The following B4GALT5 variants were observed in gnomAD, a reference collection of about 807,000 sequenced individuals.
The protein encoded by B4GALT5 is UDP-Gal:beta-GlcNAc beta-1,4-galactosyltransferase 5.
A neutral mutation model predicts 45.0 loss-of-function variants in B4GALT5; 11 were observed. That is an observed-to-expected ratio of 0.24 (90% CI 0.15 to 0.40). The LOEUF (loss-of-function observed/expected upper bound fraction) is 0.40, where lower values mean the gene tolerates loss of function less well. Ranked by LOEUF, B4GALT5 falls within the 10% of genes least tolerant of loss-of-function variation. B4GALT5 has a pLI of 1.00. For missense variants in B4GALT5, 337 were observed against 500.2 expected (o/e 0.67, Z 3.11); for synonymous variants, 185 against 182.9 (o/e 1.01, Z -0.09).
intron 1 of B4GALT5, among the ~76,000 whole-genome samples, chr20:49,700,429 G>A (rs1568734585): frequency 1.3e-5 from 2 of 152,130 alleles, no homozygotes; most frequent in Non-Finnish European, 2.9e-5. Flanking sequence ...CCAAGTAGCT[G>A]GGGCTACAGG....
intron 1 of B4GALT5, among the ~76,000 whole-genome samples, chr20:49,678,425 C>T (rs1421258027): frequency 6.6e-6 from 1 of 152,200 alleles, no homozygotes; most frequent in Non-Finnish European, 1.5e-5. Context: ...TCTGAGTTCA[C>T]TCTCACTGTT....
At chr20:49,647,144 G>T in intron 2 of B4GALT5, 66 bp from the exon 3 acceptor site, 1 of 926,644 alleles carries the variant, frequency 1.1e-6, no homozygotes, top group Non-Finnish European at 1.7e-6. Context: ...ATTATCAGAT[G>T]CCTACCAAGT....
intron 1 of B4GALT5, among the ~76,000 whole-genome samples, chr20:49,700,459 C>T (rs2085857093): frequency 6.6e-6 from 1 of 152,148 alleles, no homozygotes; most frequent in Non-Finnish European, 1.5e-5. Flanking sequence ...CCACACCTGG[C>T]TAATTTTTAT....
chr20:49,668,792 G>A (rs540464398), intron 1 of B4GALT5, among the ~76,000 whole-genome samples: 2 of 151,852 alleles, frequency 1.3e-5, no homozygotes, highest in African/African-American at 4.8e-5. Flanking sequence ...TCCCTGAATT[G>A]CCTTGTGGTT....
chr20:49,642,461 T>G lies in B4GALT5; in HGVS notation c.606+7A>C. On this transcript the variant is annotated splice_region_variant and intron_variant, in intron 5 of 8. Coordinates refer to ENST00000371711, the MANE Select transcript of B4GALT5 (RefSeq NM_004776.4). ...GAAAAAAGAAAGGAAAAGAAAGGAC[T>G]ACTCACTTGTTCAACCACATAAAAT... 6.3e-7 allele frequency: 1 copy of G among 1,590,160 alleles called. No individual in the cohort carries two copies. Among genetic ancestry groups the G allele is most frequent in the Non-Finnish European group, 8.6e-7 (1 of 1,159,872 alleles).
At position 49,702,882 on chromosome 20, in the gene B4GALT5, A is replaced by T. The variant is rs2085868231; in HGVS notation, c.115+10694T>A. Reference sequence around the variant, plus strand: ...AAAACAAAAAAAAACCCTAAAAAATAGTGATTACTGGCCAGGCGCGGTGGC... The same window carrying T: ...AAAACAAAAAAAAACCCTAAAAAATTGTGATTACTGGCCAGGCGCGGTGGC... On this transcript the variant is annotated intron_variant, in intron 1 of 8. Transcript: ENST00000371711. Among the ~76,000 whole-genome samples the T allele has an allele frequency of 3.3e-5, 5 of 151,768 alleles. No individual in the cohort carries two copies. In the South Asian group the frequency reaches 1.0e-3, roughly 32 times the overall value.
chr20:49,689,789 A>G (rs1194272962), intron 1 of B4GALT5, among the ~76,000 whole-genome samples: 3 of 152,162 alleles, frequency 2.0e-5, no homozygotes, highest in Non-Finnish European at 2.9e-5. Context: ...CTAAATCCCT[A>G]TCAAGATATG....
chr20:49,673,657 A>G (rs1157389992), intron 1 of B4GALT5, among the ~76,000 whole-genome samples: 1 of 152,202 alleles, frequency 6.6e-6, no homozygotes, highest in Non-Finnish European at 1.5e-5. Flanking sequence ...TCTGGCTAAG[A>G]TCAAGTATTG....
intron 1 of B4GALT5, among the ~76,000 whole-genome samples, chr20:49,667,788 T>C (rs141888084): frequency 2.0e-5 from 3 of 152,336 alleles, no homozygotes; most frequent in African/African-American, 7.2e-5. Context: ...TGGGTGCCAA[T>C]ACTCACGCTA....
intron 1 of B4GALT5, among the ~76,000 whole-genome samples, chr20:49,709,165 C>T (rs550547500): frequency 5.3e-5 from 8 of 152,010 alleles, no homozygotes; most frequent in South Asian, 2.1e-4. Flanking sequence ...GACTGGAGTA[C>T]GGAAGTACTC....
At chr20:49,648,878 G>A (rs2085609857) in intron 2 of B4GALT5, among the ~76,000 whole-genome samples, 1 of 152,196 alleles carries the variant, frequency 6.6e-6, no homozygotes, top group Non-Finnish European at 1.5e-5. Context: ...CTCTGAATGA[G>A]AGATCCTTCC....
In B4GALT5 at chr20:49,691,538, C is replaced by T. The variant is rs954070957; in HGVS notation, c.115+22038G>A. Among the ~76,000 whole-genome samples, 9 of 151,940 alleles carry T rather than the reference C, an allele frequency of 5.9e-5. No individual in the cohort carries two copies. In the East Asian group the frequency reaches 1.3e-3, roughly 23 times the overall value. On this transcript the variant is annotated intron_variant, in intron 1 of 8. Coordinates refer to ENST00000371711, the MANE Select transcript of B4GALT5 (RefSeq NM_004776.4). ...CAAAACAAACAAAAAAAAACCCACACGCCAAAACATGTTCTTCTGCAGTAT... is the reference window on the plus strand; with the variant it reads ...CAAAACAAACAAAAAAAAACCCACATGCCAAAACATGTTCTTCTGCAGTAT...
At chr20:49,676,967 T>C (rs2085740346) in intron 1 of B4GALT5, among the ~76,000 whole-genome samples, 1 of 152,238 alleles carries the variant, frequency 6.6e-6, no homozygotes, top group Non-Finnish European at 1.5e-5. Flanking sequence ...ATTGGAACAT[T>C]ACAATACCTA....
At chr20:49,683,785 G>A (rs1397111184) in intron 1 of B4GALT5, among the ~76,000 whole-genome samples, 1 of 151,996 alleles carries the variant, frequency 6.6e-6, no homozygotes, top group Admixed American at 6.6e-5. Context: ...TCCATAAAAC[G>A]GGGATAATAA....
chr20:49,664,751 T>A (rs1379042843), intron 1 of B4GALT5, among the ~76,000 whole-genome samples: 1 of 152,130 alleles, frequency 6.6e-6, no homozygotes, highest in African/African-American at 2.4e-5. Flanking sequence ...AGGAGATGTA[T>A]ATTGAAGTAT....
At chr20:49,688,776 T>C (rs575205256) in intron 1 of B4GALT5, among the ~76,000 whole-genome samples, 1 of 152,068 alleles carries the variant, frequency 6.6e-6, no homozygotes, top group South Asian at 2.1e-4. Context: ...CCATCTCTAC[T>C]AAAATTACAA....
chr20:49,706,735 C>A (rs896114201), intron 1 of B4GALT5, among the ~76,000 whole-genome samples: 2 of 152,176 alleles, frequency 1.3e-5, no homozygotes, highest in African/African-American at 2.4e-5. Flanking sequence ...TGCTTGCTTA[C>A]GATTATCTGT....
intron 1 of B4GALT5, among the ~76,000 whole-genome samples, chr20:49,704,913 C>A (rs1330436441): frequency 6.6e-6 from 1 of 151,890 alleles, no homozygotes; most frequent in Non-Finnish European, 1.5e-5. Flanking sequence ...CTGATTGCTG[C>A]AAAGTACCTG....
intron 1 of B4GALT5, among the ~76,000 whole-genome samples, chr20:49,702,749 G>A (rs946965986): frequency 1.3e-5 from 2 of 151,988 alleles, no homozygotes; most frequent in African/African-American, 2.4e-5. Flanking sequence ...CAGCTGCTTG[G>A]GAGGCTGAGG....
Sources: allele counts gnomAD v4.1 joint callset (sites outside exome capture counted in the v4.1 genomes callset), GRCh38; gene constraint gnomAD v4.1.1; transcripts MANE v1.5; gene names NCBI Gene and HGNC (gene_info 2026-07-23, HGNC 2026-07-21).